Variants in GRIK2 observed in about 807,000 individuals in gnomAD.
The protein encoded by GRIK2 is glutamate receptor ionotropic, kainate 2.
Under a neutral mutation model 100.3 loss-of-function variants are expected in GRIK2, and 32 were observed. The observed-to-expected ratio is 0.32, with a 90% CI of 0.24 to 0.43. GRIK2 has a LOEUF of 0.43. Among genes scored for constraint, GRIK2 ranks in the 20% least tolerant of loss-of-function variants. The pLI is 1.00. For synonymous variants in GRIK2, 417 were observed against 389.4 expected, an observed-to-expected ratio of 1.07 and a Z score of -0.83; for missense variants, 843 against 1,114.9, an observed-to-expected ratio of 0.76 and a Z score of 3.47.
chr6:101,962,983 T>A (rs1792398891), intron 14 of GRIK2, among the ~76,000 whole-genome samples: 1 of 151,816 alleles, frequency 6.6e-6, no homozygotes, highest in African/African-American at 2.4e-5. Flanking sequence ...AGTTGAATTT[T>A]TTTTTTATTT....
chr6:101,431,124 G>A, intron 2 of GRIK2: 1 of 250,620 alleles, frequency 4.0e-6, no homozygotes, highest in Non-Finnish European at 8.6e-6. Flanking sequence ...GTTGGCCTTG[G>A]GGTTCAGAGG....
intron 2 of GRIK2, among the ~76,000 whole-genome samples, chr6:101,485,258 G>A (rs1426376708): frequency 6.6e-6 from 1 of 152,116 alleles, no homozygotes; most frequent in Non-Finnish European, 1.5e-5. Context: ...AAGTATCATA[G>A]AGGTTAAATT....
chr6:101,740,864 G>A (rs6931286), intron 7 of GRIK2, among the ~76,000 whole-genome samples: 2,818 of 152,190 alleles, frequency 0.019, 81 homozygotes, highest in African/African-American at 0.063. Context: ...CATGGGTAAA[G>A]CACGAAGCCA....
rs562976489 is a variant in GRIK2, at chr6:101,805,546, C to T, written c.1203+3108C>T. Among the ~76,000 whole-genome samples, 21 of 152,070 alleles carry T rather than the reference C, an allele frequency of 1.4e-4. 1 individual carries two copies. The East Asian group carries it at 3.9e-3, about 28-fold the overall frequency. On this transcript the variant is annotated intron_variant, in intron 9 of 16. Coordinates refer to ENST00000369134, the MANE Select transcript of GRIK2 (RefSeq NM_021956.5). Reference sequence around the variant, plus strand: ...CTTCTCATGCCTATTGCCTTTTCTTCATTCTCATTCTGTCTTGGTCATCTT... The same window carrying T: ...CTTCTCATGCCTATTGCCTTTTCTTTATTCTCATTCTGTCTTGGTCATCTT...
intron 11 of GRIK2, among the ~76,000 whole-genome samples, chr6:101,877,143 A>C (rs1785910100): frequency 6.6e-6 from 1 of 151,978 alleles, no homozygotes; most frequent in Non-Finnish European, 1.5e-5. Context: ...ACGAACACAC[A>C]CACACATATA....
intron 14 of GRIK2, among the ~76,000 whole-genome samples, chr6:101,988,142 CGCGCGCGCGCGCGT>C (rs1303431737): frequency 0.055 from 533 of 9,632 alleles, 2 homozygotes; most frequent in African/African-American, 0.085. Flanking sequence ...TGCGCGCGCG[CGCGCGCGCGCGCGT>C]GCGCGCACAT....
intron 14 of GRIK2, among the ~76,000 whole-genome samples, chr6:101,988,154 CGT>C (rs1491391774): frequency 3.5e-3 from 29 of 8,210 alleles, no homozygotes; most frequent in African/African-American, 0.01. Flanking sequence ...CGCGCGCGCG[CGT>C]GCGCGCACAT....
chr6:102,058,912 C>A (rs1406171091), intron 16 of GRIK2, among the ~76,000 whole-genome samples: 1 of 151,154 alleles, frequency 6.6e-6, no homozygotes, highest in Non-Finnish European at 1.5e-5. Flanking sequence ...TGAATGTGAA[C>A]TTTGTGAATA....
chr6:101,626,257 A>AT (rs1780433100), intron 3 of GRIK2, 123 bp from the exon 4 acceptor site: 4 of 914,186 alleles, frequency 4.4e-6, no homozygotes, highest in East Asian at 2.5e-5. Context: ...GTAGATATAT[A>AT]TTTTTTAAAA....
At chr6:101,877,454 T>C (rs370982150) in intron 11 of GRIK2, among the ~76,000 whole-genome samples, 3 of 151,970 alleles carry the variant, frequency 2.0e-5, no homozygotes, top group African/African-American at 7.2e-5. Flanking sequence ...TACAGGAGGA[T>C]GTGCATAGGT....
intron 14 of GRIK2, among the ~76,000 whole-genome samples, chr6:101,968,171 T>A (rs1792810466): frequency 6.6e-6 from 1 of 152,074 alleles, no homozygotes; most frequent in Non-Finnish European, 1.5e-5. Context: ...AAATATAAAC[T>A]GAACACATGA....
At chr6:101,414,927 T>C (rs1223148810) in intron 2 of GRIK2, among the ~76,000 whole-genome samples, 2 of 148,258 alleles carry the variant, frequency 1.3e-5, no homozygotes, top group African/African-American at 5.0e-5. Context: ...AAAAGCTCTG[T>C]AGAGTTTTAA....
Position 101,890,552 on chromosome 6 carries a change from G to T in GRIK2, c.1748+689G>T, listed in dbSNP as rs547689970. Among the ~76,000 whole-genome samples, 17 of 151,992 alleles carry T rather than the reference G, an allele frequency of 1.1e-4. No individual in the cohort carries two copies. In the Middle Eastern group the frequency reaches 0.024, roughly 213 times the overall value. On this transcript the variant is annotated intron_variant, in intron 12 of 16. Transcript: ENST00000369134. ...TTGAGACCAGCCTGGTCAACATAGG[G>T]AGACTCTATCTCTATAAATAATAAA...
At chr6:101,980,528 A>G (rs1252696431) in intron 14 of GRIK2, among the ~76,000 whole-genome samples, 1 of 151,948 alleles carries the variant, frequency 6.6e-6, no homozygotes, top group Non-Finnish European at 1.5e-5. Flanking sequence ...TAAATTGTAC[A>G]ACCAACAATC....
intron 12 of GRIK2, among the ~76,000 whole-genome samples, chr6:101,898,801 A>T (rs1007109835): frequency 6.6e-6 from 1 of 151,806 alleles, no homozygotes; most frequent in Non-Finnish European, 1.5e-5. Flanking sequence ...TTTTTTCATA[A>T]TTCATGGATA....
intron 14 of GRIK2, among the ~76,000 whole-genome samples, chr6:102,022,933 T>C (rs1452948223): frequency 6.6e-6 from 1 of 151,548 alleles, no homozygotes; most frequent in Non-Finnish European, 1.5e-5. Context: ...AGAGTTGATA[T>C]GATCAAGATT....
At chr6:101,483,675 A>G (rs548807675) in intron 2 of GRIK2, among the ~76,000 whole-genome samples, 1 of 152,230 alleles carries the variant, frequency 6.6e-6, no homozygotes, top group African/African-American at 2.4e-5. Context: ...CCCCAGTTCA[A>G]GCAATTCTCC....
At chr6:101,928,171 C>A in intron 13 of GRIK2, 1 of 473,272 alleles carries the variant, frequency 2.1e-6, no homozygotes, top group Non-Finnish European at 3.7e-6. Flanking sequence ...AACTTTGCAT[C>A]ATCTCAGGTA....
intron 10 of GRIK2, among the ~76,000 whole-genome samples, chr6:101,849,469 A>G (rs1251469311): frequency 6.6e-6 from 1 of 151,952 alleles, no homozygotes; most frequent in Non-Finnish European, 1.5e-5. Flanking sequence ...TAATGAACCA[A>G]CTCACCTTCC....
Sources: gnomAD v4.1 joint callset for allele counts (sites outside exome capture counted in the v4.1 genomes callset) on GRCh38, gnomAD v4.1.1 for gene constraint, MANE v1.5 for transcripts, NCBI Gene and HGNC (gene_info 2026-07-23, HGNC 2026-07-21) for gene names.